Variants in PAK3 observed in about 807,000 individuals in gnomAD.
PAK3 encodes p21 (RAC1) activated kinase 3.
PAK3 carries 4 observed loss-of-function variants against 41.0 expected under a neutral mutation model. That is an observed-to-expected ratio of 0.10 (90% confidence interval 0.05 to 0.22). PAK3 has a LOEUF of 0.22. PAK3 is among the 10% of genes least tolerant of loss of function. The probability of loss-of-function intolerance (pLI) is 1.00; values close to 1 mark genes in which losing one functional copy is unlikely to be tolerated. For missense variants in PAK3, 205 were observed against 409.9 expected, an observed-to-expected ratio of 0.50 and a Z score of 4.32; for synonymous variants, 146 against 139.6, an observed-to-expected ratio of 1.05 and a Z score of -0.32.
intron 11 of PAK3, among the ~76,000 whole-genome samples, chrX:111,175,543 G>T (rs905796984): frequency 9.0e-6 from 1 of 111,313 alleles, no homozygotes; most frequent in Non-Finnish European, 1.9e-5. Flanking sequence ...CCTTAACTGG[G>T]AGTTATTTGT....
In PAK3 at chrX:111,220,652, G is replaced by A; in HGVS notation, c.*205G>A. ...CCTGAATCGCAGCCCAAACAGGGCA[G>A]CAATGTTGAAGTGACCATAAAGTGG... is the stretch of plus-strand genomic sequence containing the variant. On this transcript the variant is annotated 3_prime_UTR_variant, in exon 18 of 18. Transcript: ENST00000372007. The A allele has an allele frequency of 2.3e-6, 1 of 440,852 alleles. No individual in the cohort carries two copies. The highest frequency in any genetic ancestry group is 4.0e-6 in the Non-Finnish European group (1 of 250,978). 36.3% of individuals were successfully genotyped at this position (440,852 alleles called of 1,213,427 possible).
chrX:110,999,936 C>A (rs1375307892), intron 1 of PAK3, among the ~76,000 whole-genome samples: 1 of 111,394 alleles, frequency 9.0e-6, no homozygotes, highest in African/African-American at 3.3e-5. Context: ...CCACTACATT[C>A]CAACTTGGGT....
chrX:111,221,078 A>G lies in PAK3; in HGVS notation c.*631A>G, dbSNP rs898777296. 1 of 111,359 alleles carries G rather than the reference A, an allele frequency of 9.0e-6. No individual in the cohort carries two copies. The highest frequency in any genetic ancestry group is 1.9e-5 in the Non-Finnish European group (1 of 53,125). The allele number at this position is 111,359 out of a possible 1,213,427, so 9.2% of individuals were successfully genotyped here. A position where few individuals can be genotyped will look rare whatever the true frequency, so the allele number is the denominator to read the frequency against. ...AGTTGCAATTTTTTATTCTTCTTCTATAGTGGTGGCTTGGTTTGTGTACCT... is the reference window on the plus strand; with the variant it reads ...AGTTGCAATTTTTTATTCTTCTTCTGTAGTGGTGGCTTGGTTTGTGTACCT... On this transcript the variant is annotated 3_prime_UTR_variant, in exon 18 of 18. Coordinates refer to ENST00000372007, the MANE Select transcript of PAK3 (RefSeq NM_002578.5).
chrX:111,153,099 T>A lies in PAK3; in HGVS notation c.468+652T>A, dbSNP rs191359280. Among the ~76,000 whole-genome samples the A allele has an allele frequency of 1.2e-4, 13 of 112,070 alleles. No homozygotes were observed. The East Asian group carries it at 3.4e-3, about 29-fold the overall frequency. On this transcript the variant is annotated intron_variant, in intron 8 of 17. Transcript: ENST00000372007. Reference sequence around the variant, plus strand: ...ACTTTGAGAATAATAATCATGTTAATAGAAATTTCTCTGAACACCTACAGT... The same window carrying A: ...ACTTTGAGAATAATAATCATGTTAAAAGAAATTTCTCTGAACACCTACAGT...
chrX:111,016,592 G>A (rs1020874137), intron 1 of PAK3, among the ~76,000 whole-genome samples: 4 of 111,176 alleles, frequency 3.6e-5, no homozygotes, highest in Non-Finnish European at 5.7e-5. Flanking sequence ...CACTGTTTGC[G>A]TTATTTCCAA....
intron 1 of PAK3, among the ~76,000 whole-genome samples, chrX:110,962,077 A>T (rs1230877361): frequency 8.9e-6 from 1 of 112,075 alleles, no homozygotes; most frequent in Admixed American, 9.5e-5. Flanking sequence ...AATTTTATGC[A>T]TGCCTTTGGC....
intron 16 of PAK3, among the ~76,000 whole-genome samples, chrX:111,204,083 G>GA (rs1339522743): frequency 2.7e-5 from 3 of 111,177 alleles, no homozygotes; most frequent in South Asian, 3.8e-4. Flanking sequence ...TTTTTAATCA[G>GA]AAAAAAATAT....
chrX:110,964,237 A>AG (rs1184830954), intron 1 of PAK3, among the ~76,000 whole-genome samples: 1 of 111,803 alleles, frequency 8.9e-6, no homozygotes, highest in Non-Finnish European at 1.9e-5. Flanking sequence ...TTGAACCACA[A>AG]TTTTTCTGAT....
intron 1 of PAK3, among the ~76,000 whole-genome samples, chrX:111,038,043 C>T (rs894465243): frequency 9.0e-6 from 1 of 111,590 alleles, no homozygotes; most frequent in Non-Finnish European, 1.9e-5. Context: ...TATGCTTCAA[C>T]CTTTATATAT....
At chrX:111,104,820 A>G in intron 4 of PAK3, among the ~76,000 whole-genome samples, 1 of 111,308 alleles carries the variant, frequency 9.0e-6, no homozygotes, top group East Asian at 2.8e-4. Context: ...GTTAGGTATT[A>G]TCATCATTAC....
chrX:111,034,038 C>T (rs543160855), intron 1 of PAK3, among the ~76,000 whole-genome samples: 1 of 111,896 alleles, frequency 8.9e-6, no homozygotes, highest in Admixed American at 9.5e-5. Flanking sequence ...CCTCTCCCTG[C>T]CATACACACA....
chrX:110,979,224 G>T (rs1213375654), intron 1 of PAK3, among the ~76,000 whole-genome samples: 3 of 108,540 alleles, frequency 2.8e-5, no homozygotes, highest in Non-Finnish European at 5.7e-5. Flanking sequence ...AGTCTTGAAG[G>T]ATCAATTCAG....
At chrX:111,179,197 C>T (rs2094440573) in intron 11 of PAK3, among the ~76,000 whole-genome samples, 1 of 109,669 alleles carries the variant, frequency 9.1e-6, no homozygotes, top group Non-Finnish European at 1.9e-5. Flanking sequence ...TTTGTAATCA[C>T]TAGAGATTAT....
intron 16 of PAK3, among the ~76,000 whole-genome samples, chrX:111,205,246 C>A: frequency 9.0e-6 from 1 of 110,717 alleles, no homozygotes; most frequent in East Asian, 2.9e-4. Flanking sequence ...GGGAGGTAAC[C>A]AGGATAGGGC....
At chrX:111,095,549 G>C (rs148677435), upstream of PAK3, among the ~76,000 whole-genome samples, 33 of 112,390 alleles carry the variant, frequency 2.9e-4, no homozygotes, top group East Asian at 9.2e-3. Flanking sequence ...AGGATGGACA[G>C]AGAGAATCGC....
At position 111,097,644 on chromosome X, in the gene PAK3, A is replaced by G. The variant is rs2093032815; in HGVS notation, c.-216A>G. On this transcript the variant is annotated 5_prime_UTR_variant, in exon 3 of 18. Coordinates refer to ENST00000372007, the MANE Select transcript of PAK3 (RefSeq NM_002578.5). ...AGAAGGAGGTCCATTCCTGTTGGTGACAACACCGTGGCCCTGTTCTGGGAT... is the reference window on the plus strand; with the variant it reads ...AGAAGGAGGTCCATTCCTGTTGGTGGCAACACCGTGGCCCTGTTCTGGGAT... The G allele has an allele frequency of 9.0e-6, 1 of 111,217 alleles. No homozygotes were observed. The highest frequency in any genetic ancestry group is 3.8e-4 in the South Asian group (1 of 2,632). The allele number at this position is 111,217 out of a possible 1,213,427, so 9.2% of individuals were successfully genotyped here.
rs184943523 is a variant in PAK3, at chrX:111,155,118, A to G, written c.468+2671A>G. ...ATAGATATTTACCTATTTAACATAT[A>G]TTTACCAACTGCCTCCTTATAAGCT... On this transcript the variant is annotated intron_variant, in intron 8 of 17. Coordinates refer to ENST00000372007, the MANE Select transcript of PAK3 (RefSeq NM_002578.5). Among the ~76,000 whole-genome samples the G allele has an allele frequency of 1.3e-4, 15 of 111,693 alleles. No homozygotes were observed. In the East Asian group the frequency reaches 3.7e-3, roughly 27 times the overall value.
Position 111,225,474 on chromosome X carries a change from T to G in PAK3, c.*5027T>G, listed in dbSNP as rs1006630679. 1 of 112,023 alleles carries G rather than the reference T, an allele frequency of 8.9e-6. No homozygotes were observed. The highest frequency in any genetic ancestry group is 1.9e-5 in the Non-Finnish European group (1 of 53,281). 9.2% of individuals were successfully genotyped at this position (112,023 alleles called of 1,213,427 possible). ...TGCCATCGGAGTCTCCTTTAGAAGC[T>G]GCCATCAGGCAAATGCTATCCCATA... is the stretch of plus-strand genomic sequence containing the variant. On this transcript the variant is annotated 3_prime_UTR_variant, in exon 18 of 18. Coordinates refer to ENST00000372007, the MANE Select transcript of PAK3 (RefSeq NM_002578.5).
chrX:110,972,707 A>G (rs1357190713), intron 1 of PAK3, among the ~76,000 whole-genome samples: 1 of 111,915 alleles, frequency 8.9e-6, no homozygotes, highest in Non-Finnish European at 1.9e-5. Context: ...TGGACATAGA[A>G]TGACTTTCAT....
Sources: allele counts gnomAD v4.1 joint callset (sites outside exome capture counted in the v4.1 genomes callset), GRCh38; gene constraint gnomAD v4.1.1; transcripts MANE v1.5; gene names NCBI Gene and HGNC (gene_info 2026-07-23, HGNC 2026-07-21).